The following CHMP3 variants were observed in gnomAD, a reference collection of about 807,000 sequenced individuals.
The protein encoded by CHMP3 is 25.1 protein.
A neutral mutation model predicts 27.4 loss-of-function variants in CHMP3; 8 were observed. The ratio of observed to expected loss-of-function variants is 0.29; its 90% CI spans 0.17 to 0.53. The LOEUF is 0.53. CHMP3 is among the 20% of genes least tolerant of loss of function. The pLI, the probability that CHMP3 is intolerant of heterozygous loss-of-function variation, is 0.96. For missense variants in CHMP3, 208 were observed against 271.5 expected (o/e 0.77, Z 1.64); for synonymous variants, 86 against 85.5 (o/e 1.01, Z -0.03).
chr2:86,516,386 A>G (rs1212833021), intron 3 of CHMP3, among the ~76,000 whole-genome samples: 1 of 152,210 alleles, frequency 6.6e-6, no homozygotes, highest in Non-Finnish European at 1.5e-5. Flanking sequence ...TTCACCAAAG[A>G]GGAGATACGG....
intron 1 of CHMP3, among the ~76,000 whole-genome samples, chr2:86,546,085 G>C (rs1366184344): frequency 6.6e-6 from 1 of 152,232 alleles, no homozygotes; most frequent in Non-Finnish European, 1.5e-5. Flanking sequence ...TGAGCATTGA[G>C]TGAGCGAGAC....
chr2:86,554,816 C>CGTGTGTGTGTGT (rs70956121), intron 1 of CHMP3, among the ~76,000 whole-genome samples: 12 of 145,438 alleles, frequency 8.3e-5, no homozygotes, highest in Middle Eastern at 3.5e-3. Context: ...TGTGTGCGCG[C>CGTGTGTGTGTGT]GTGTGTGTGT....
intron 1 of CHMP3, among the ~76,000 whole-genome samples, chr2:86,560,545 A>C (rs551752281): frequency 4.5e-4 from 66 of 147,770 alleles, no homozygotes; most frequent in Non-Finnish European, 8.4e-4. Flanking sequence ...ATCATCACAC[A>C]CCGGGGCCTG....
At chr2:86,506,055 G>C (rs1037331051) in intron 5 of CHMP3, 106 bp from the exon 6 acceptor site, 4 of 1,320,400 alleles carry the variant, frequency 3.0e-6, no homozygotes, top group Non-Finnish European at 3.9e-6. Context: ...ACAAAAATGA[G>C]ACAGTACAGC....
chr2:86,542,120 A>G, intron 2 of CHMP3, 132 bp downstream of exon 2: 1 of 903,998 alleles, frequency 1.1e-6, no homozygotes, highest in Non-Finnish European at 1.6e-6. Flanking sequence ...AAGCAAAATC[A>G]GTCAGACAGC....
chr2:86,554,824 T>C (rs540969883), intron 1 of CHMP3, among the ~76,000 whole-genome samples: 11 of 147,126 alleles, frequency 7.5e-5, no homozygotes, highest in African/African-American at 2.5e-4. Context: ...CGCGTGTGTG[T>C]GTGTGTGTGT....
chr2:86,520,465 G>T (rs1675480732), intron 3 of CHMP3, among the ~76,000 whole-genome samples: 1 of 151,948 alleles, frequency 6.6e-6, no homozygotes, highest in South Asian at 2.1e-4. Flanking sequence ...CTAGGGGGAT[G>T]GTGCTAAACC....
At chr2:86,521,300 A>G (rs1573253138) in intron 3 of CHMP3, among the ~76,000 whole-genome samples, 1 of 152,200 alleles carries the variant, frequency 6.6e-6, no homozygotes, top group Non-Finnish European at 1.5e-5. Context: ...TGAAAACTAT[A>G]TAAGAGCTTG....
chr2:86,506,076 T>TG (rs1014305714), intron 5 of CHMP3, 127 bp from the exon 6 acceptor site: 23 of 1,160,570 alleles, frequency 2.0e-5, no homozygotes, highest in Admixed American at 3.9e-5. Flanking sequence ...AAGCTGTTTT[T>TG]GGGGGGGTTT....
chr2:86,547,623 T>C (rs1676662243), intron 1 of CHMP3, among the ~76,000 whole-genome samples: 2 of 152,196 alleles, frequency 1.3e-5, no homozygotes, highest in South Asian at 4.1e-4. Flanking sequence ...GTGACTATAA[T>C]GTTATGTTAG....
At chr2:86,533,951 A>G (rs1313556550) in intron 2 of CHMP3, among the ~76,000 whole-genome samples, 1 of 152,168 alleles carries the variant, frequency 6.6e-6, no homozygotes, top group Admixed American at 6.5e-5. Context: ...CCATTGGTTA[A>G]GAATGTGTTG....
chr2:86,550,462 G>GAGAC, intron 1 of CHMP3, among the ~76,000 whole-genome samples: 1 of 151,736 alleles, frequency 6.6e-6, no homozygotes, highest in African/African-American at 2.4e-5. Flanking sequence ...GAGAGAGAGA[G>GAGAC]GGGAGTTCTT....
chr2:86,520,401 G>A (rs936005504), intron 3 of CHMP3, among the ~76,000 whole-genome samples: 38 of 152,060 alleles, frequency 2.5e-4, no homozygotes, highest in African/African-American at 8.7e-4. Context: ...AGATAGGGGA[G>A]GTGCTATACA....
At chr2:86,533,768 G>A (rs1308209283) in intron 2 of CHMP3, among the ~76,000 whole-genome samples, 1 of 7,332 alleles carries the variant, frequency 1.4e-4, no homozygotes, top group Non-Finnish European at 2.4e-4. Flanking sequence ...GCCTCCCAAA[G>A]TGTTGGGATT....
intron 2 of CHMP3, among the ~76,000 whole-genome samples, chr2:86,529,966 C>T (rs1382838175): frequency 1.3e-5 from 2 of 151,992 alleles, no homozygotes; most frequent in East Asian, 3.9e-4. Flanking sequence ...GTTGTGCAAC[C>T]GTCACCTCCA....
intron 3 of CHMP3, among the ~76,000 whole-genome samples, chr2:86,515,592 A>C (rs968772280): frequency 2.0e-5 from 3 of 152,152 alleles, no homozygotes; most frequent in African/African-American, 4.8e-5. Flanking sequence ...AAGTGCTGAG[A>C]TTACAGGTGT....
intron 1 of CHMP3, among the ~76,000 whole-genome samples, chr2:86,552,317 A>G (rs754082940): frequency 5.3e-5 from 8 of 152,248 alleles, no homozygotes; most frequent in Non-Finnish European, 1.0e-4. Context: ...AATAAAGAGC[A>G]TTAAGCACTT....
chr2:86,528,502 T>A (rs1675798433), intron 3 of CHMP3, among the ~76,000 whole-genome samples: 1 of 152,104 alleles, frequency 6.6e-6, no homozygotes. Flanking sequence ...CATGCCTGGC[T>A]CTCCATGATT....
rs140875282 is a variant in CHMP3 at position 86,559,481 on chromosome 2, T to C, written c.45+3823A>G. Among the ~76,000 whole-genome samples the C allele has an allele frequency of 9.0e-4, 137 of 152,356 alleles. 1 individual carries two copies. In the East Asian group the frequency reaches 0.01, roughly 11 times the overall value. On this transcript the variant is annotated intron_variant, in intron 1 of 5. Coordinates refer to ENST00000263856, the MANE Select transcript of CHMP3 (RefSeq NM_016079.4). ...ATCCATCCTATTGGTTCTACTTCTC[T>C]GGAAAACCCTGACTAATACACCATC...
Sources: gnomAD v4.1 joint callset for allele counts (sites outside exome capture counted in the v4.1 genomes callset) on GRCh38, gnomAD v4.1.1 for gene constraint, MANE v1.5 for transcripts, NCBI Gene and HGNC (gene_info 2026-07-23, HGNC 2026-07-21) for gene names.